The following FRY variants were observed in gnomAD, a reference collection of about 807,000 sequenced individuals.
FRY encodes the protein protein furry homolog.
Under a neutral mutation model 348.4 loss-of-function variants are expected in FRY, and 128 were observed. That is an observed-to-expected ratio of 0.37 (90% confidence interval 0.32 to 0.43). The LOEUF (loss-of-function observed/expected upper bound fraction) is 0.43, where lower values mean the gene tolerates loss of function less well. Ranked by LOEUF, FRY falls within the 20% of genes least tolerant of loss-of-function variation. FRY has a pLI of 1.00. For synonymous variants in FRY, 1,370 were observed against 1,374.7 expected (o/e 1.00, Z 0.08); for missense variants, 2,736 against 3,695.2 (o/e 0.74, Z 6.73).
intron 1 of FRY, among the ~76,000 whole-genome samples, chr13:32,065,794 G>C (rs925844198): frequency 2.0e-5 from 3 of 152,056 alleles, no homozygotes. Context: ...GGTAGAGATG[G>C]GGTCTCACTG....
Position 32,126,528 on chromosome 13 carries a change from C to T in FRY, c.716+1653C>T, listed in dbSNP as rs189887395. ...GATGTCAGTATTTGTCCCTATTCTG[C>T]GGTAGTAGGGTGTAAGAAATGCCTC... On this transcript the variant is annotated intron_variant, in intron 7 of 60. Coordinates refer to ENST00000542859, the MANE Select transcript of FRY (RefSeq NM_023037.3). Among the ~76,000 whole-genome samples the T allele has an allele frequency of 2.3e-3, 354 of 152,254 alleles. 1 individual carries two copies. The highest frequency in any genetic ancestry group is 7.8e-3 in the African/African-American group (324 of 41,542).
intron 1 of FRY, among the ~76,000 whole-genome samples, chr13:32,056,573 G>T (rs1487400761): frequency 1.3e-5 from 2 of 152,146 alleles, no homozygotes; most frequent in East Asian, 3.8e-4. Flanking sequence ...AAGAGGCCAG[G>T]CTGCAGGTGA....
chr13:32,202,301 A>C, intron 30 of FRY, 55 bp from the exon 31 acceptor site: 2 of 1,307,116 alleles, frequency 1.5e-6, no homozygotes, highest in Non-Finnish European at 2.2e-6. Flanking sequence ...AATGCTCATG[A>C]GATATCCAGC....
chr13:32,202,466 T>C lies in FRY; in HGVS notation c.3957T>C (p.Leu1319=), dbSNP rs2428249. The C allele has an allele frequency of 0.41, 654,325 of 1,612,554 alleles. 135,762 individuals carry two copies. The highest frequency in any genetic ancestry group is 0.44 in the Admixed American group (26,582 of 59,980). The change falls in exon 31 of 61, where the codon CTT becomes CTC. Residue 1319 remains leucine, a synonymous_variant. Transcript: ENST00000542859. The part of the protein sequence containing the change: ...GPLPPLYSVS[L]ALLSCELARM... Reference sequence around the variant, plus strand: ...TGCCACCCCTCTACAGCGTGTCACTTGCCCTCTTGTCATGTGAGCTGGCCA... The same window carrying C: ...TGCCACCCCTCTACAGCGTGTCACTCGCCCTCTTGTCATGTGAGCTGGCCA...
chr13:32,114,829 C>A (rs1424754129), intron 3 of FRY, among the ~76,000 whole-genome samples: 1 of 152,208 alleles, frequency 6.6e-6, no homozygotes, highest in Non-Finnish European at 1.5e-5. Context: ...TAGTGAATTA[C>A]TACCTTGCCA....
At chr13:32,247,048 G>A (rs1339804085) in intron 47 of FRY, among the ~76,000 whole-genome samples, 1 of 151,988 alleles carries the variant, frequency 6.6e-6, no homozygotes, top group African/African-American at 2.4e-5. Context: ...AAATTAAGGA[G>A]GTGCCTCATT....
chr13:32,037,717 G>A (rs974109267), intron 1 of FRY, among the ~76,000 whole-genome samples: 1 of 152,210 alleles, frequency 6.6e-6, no homozygotes, highest in African/African-American at 2.4e-5. Flanking sequence ...AACATGCAAA[G>A]ATTCTCCTAT....
At chr13:32,095,732 T>G (rs1448269785) in intron 2 of FRY, among the ~76,000 whole-genome samples, 1 of 152,184 alleles carries the variant, frequency 6.6e-6, no homozygotes, top group African/African-American at 2.4e-5. Context: ...TCAAGAAAAT[T>G]TGCCCAGACC....
At chr13:32,144,199 G>A (rs11842137) in intron 11 of FRY, among the ~76,000 whole-genome samples, 6,590 of 145,836 alleles carry the variant, frequency 0.045, 172 homozygotes, top group Middle Eastern at 0.12. Context: ...ATATTAACAG[G>A]CAAAAAAAAA....
Position 32,194,229 on chromosome 13 carries a change from A to T in FRY, c.3678A>T (p.Arg1226=), listed in dbSNP as rs972990839. 1 of 1,613,996 alleles carries T rather than the reference A, an allele frequency of 6.2e-7. No individual in the cohort carries two copies. The highest frequency in any genetic ancestry group is 8.5e-7 in the Non-Finnish European group (1 of 1,179,972). The change falls in exon 29 of 61, where the codon CGA becomes CGT. Residue 1226 remains arginine, a synonymous_variant. Transcript: ENST00000542859. Reference sequence around the variant, plus strand: ...ATCTTTTTAACTGGGCAATTGACCGATGCTACACAGGTTCCTACCAACTTG... The same window carrying T: ...ATCTTTTTAACTGGGCAATTGACCGTTGCTACACAGGTTCCTACCAACTTG... ...QINLFNWAID[R]CYTGSYQLAS...
chr13:32,241,072 A>T (rs959903508), intron 46 of FRY, among the ~76,000 whole-genome samples: 1 of 152,168 alleles, frequency 6.6e-6, no homozygotes, highest in African/African-American at 2.4e-5. Flanking sequence ...CATAAGTACC[A>T]CCTTGCTGGT....
chr13:32,144,638 A>G (rs1307428123), intron 11 of FRY, among the ~76,000 whole-genome samples: 3 of 152,170 alleles, frequency 2.0e-5, no homozygotes, highest in Admixed American at 1.3e-4. Flanking sequence ...CTAAGAAGAA[A>G]AGAGAATCAT....
At chr13:32,217,332 A>G (rs1293060159) in intron 35 of FRY, among the ~76,000 whole-genome samples, 1 of 152,094 alleles carries the variant, frequency 6.6e-6, no homozygotes, top group African/African-American at 2.4e-5. Flanking sequence ...TTTTGCCCAC[A>G]CTGCCCCTGA....
At chr13:32,158,027 T>A (rs1881215600) in intron 16 of FRY, among the ~76,000 whole-genome samples, 1 of 152,230 alleles carries the variant, frequency 6.6e-6, no homozygotes, top group Non-Finnish European at 1.5e-5. Context: ...AGCTGTGGCA[T>A]AATTTCCAAA....
chr13:32,218,989 C>T (rs564696303), intron 36 of FRY, among the ~76,000 whole-genome samples, 158 bp downstream of exon 36: 1 of 148,308 alleles, frequency 6.7e-6, no homozygotes, highest in African/African-American at 2.5e-5. Flanking sequence ...AGTCAGCATC[C>T]TCAAAAGTTA....
chr13:32,261,955 G>A (rs1295654919), intron 52 of FRY, 139 bp downstream of exon 52: 14 of 812,334 alleles, frequency 1.7e-5, no homozygotes, highest in South Asian at 7.6e-5. Context: ...GGTGTCATAC[G>A]GGTTCTAGCT....
At chr13:32,057,908 C>T (rs1321265274) in intron 1 of FRY, among the ~76,000 whole-genome samples, 2 of 151,778 alleles carry the variant, frequency 1.3e-5, no homozygotes, top group Admixed American at 6.6e-5. Context: ...TGCAGTGAGC[C>T]AAGATCGCGC....
chr13:32,115,968 TTCATG>T (rs1393673324), intron 3 of FRY, among the ~76,000 whole-genome samples: 6 of 152,128 alleles, frequency 3.9e-5, no homozygotes, highest in Non-Finnish European at 2.9e-5. Flanking sequence ...CATGAACATT[TTCATG>T]TCATATTTTT....
At chr13:32,075,440 C>T (rs1234787035) in intron 1 of FRY, among the ~76,000 whole-genome samples, 3 of 152,186 alleles carry the variant, frequency 2.0e-5, no homozygotes, top group African/African-American at 7.2e-5. Context: ...ATAGAAGTTA[C>T]ACCCCTCCCT....
Sources: gnomAD v4.1 joint callset for allele counts (sites outside exome capture counted in the v4.1 genomes callset) on GRCh38, gnomAD v4.1.1 for gene constraint, MANE v1.5 for transcripts, NCBI Gene and HGNC (gene_info 2026-07-23, HGNC 2026-07-21) for gene names.